Variants in IGSF9 observed in about 807,000 individuals in gnomAD.
IGSF9 encodes immunoglobulin superfamily member 9.
A neutral mutation model predicts 121.7 loss-of-function variants in IGSF9; 87 were observed. That is an observed-to-expected ratio of 0.71 (90% CI 0.60 to 0.85). The LOEUF (loss-of-function observed/expected upper bound fraction) is 0.85, where lower values mean the gene tolerates loss of function less well. IGSF9 is among the 40% of genes least tolerant of loss of function. The pLI, the probability that IGSF9 is intolerant of heterozygous loss-of-function variation, is 0.00. For missense variants in IGSF9, 1,462 were observed against 1,565.3 expected (o/e 0.93, Z 1.11); for synonymous variants, 640 against 648.4 (o/e 0.99, Z 0.20).
At chr1:159,937,494 A>C (rs1432491852) in intron 4 of IGSF9, among the ~76,000 whole-genome samples, 192 bp downstream of exon 4, 1 of 152,020 alleles carries the variant, frequency 6.6e-6, no homozygotes, top group Non-Finnish European at 1.5e-5. Context: ...AAGAACTGAA[A>C]AGGGCAGGAG....
intron 13 of IGSF9, 77 bp from the exon 14 acceptor site, chr1:159,930,944 C>T (rs1650975283): frequency 2.1e-6 from 3 of 1,459,334 alleles, no homozygotes; most frequent in Non-Finnish European, 2.8e-6. Context: ...GATCTAACCA[C>T]CTCCCCTCTG....
rs575352607 is a variant in IGSF9, at chr1:159,927,095, C to CAGAGAGAGAGAGAGAGAG, written c.*249_*250insCTCTCTCTCTCTCTCTCT. 141 of 451,146 alleles carry CAGAGAGAGAGAGAGAGAG rather than the reference C, an allele frequency of 3.1e-4. 1 individual carries two copies. The highest frequency in any genetic ancestry group is 3.0e-3 in the South Asian group (108 of 35,474). The allele number at this position is 451,146 out of a possible 1,614,324, so 27.9% of individuals were successfully genotyped here. Reference sequence around the variant, plus strand: ...AAAACTTCACACACACACACACACACACAGAGAGAGAGAGAGAGAGAGAGA... The same window carrying CAGAGAGAGAGAGAGAGAG: ...AAAACTTCACACACACACACACACACAGAGAGAGAGAGAGAGAGACAGAGAGAGAGAGAGAGAGAGAGA... On this transcript the variant is annotated 3_prime_UTR_variant, in exon 21 of 21. Coordinates refer to ENST00000368094, the MANE Select transcript of IGSF9 (RefSeq NM_001135050.2).
At chr1:159,941,973 G>A (rs1651396126) in intron 3 of IGSF9, among the ~76,000 whole-genome samples, 1 of 152,260 alleles carries the variant, frequency 6.6e-6, no homozygotes, top group Non-Finnish European at 1.5e-5. Flanking sequence ...AGCCCGCCCT[G>A]TGGCAAGGCT....
chr1:159,941,280 AC>A (rs1478224231), intron 3 of IGSF9, among the ~76,000 whole-genome samples: 2 of 152,034 alleles, frequency 1.3e-5, no homozygotes, highest in Non-Finnish European at 2.9e-5. Context: ...GTCCTTAGCA[AC>A]CTCTACCTCC....
In IGSF9 at chr1:159,928,875, C is replaced by G; in HGVS notation, c.2513G>C (p.Gly838Ala). The G allele has an allele frequency of 1.9e-6, 3 of 1,593,050 alleles. No homozygotes were observed. The highest frequency in any genetic ancestry group is 2.6e-6 in the Non-Finnish European group (3 of 1,170,328). The change falls in exon 19 of 21, where the codon GGA becomes GCA. Residue 838 changes from glycine (G) to alanine (A), a missense_variant. Around this residue, in one of 3 missense-constraint regions of IGSF9, gnomAD observed 808 missense variants for 815.2 expected, o/e 0.99. Transcript: ENST00000368094. ...GCAAATGGGCTCCAGAGGTAAGGGT[C>G]CCCGGCTAGATGGAGGATCCGGGTG... Reference protein sequence around the residue: ...SPHPDPPSSRGPLPLEPICRG... With the variant: ...SPHPDPPSSRAPLPLEPICRG...
chr1:159,935,649 C>G (rs1345972749), intron 6 of IGSF9, among the ~76,000 whole-genome samples: 1 of 152,248 alleles, frequency 6.6e-6, no homozygotes, highest in Non-Finnish European at 1.5e-5. Context: ...AGAGCACTGA[C>G]TGCATGCGGG....
intron 19 of IGSF9, 101 bp downstream of exon 19, chr1:159,928,057 G>T (rs1211245821): frequency 4.7e-6 from 7 of 1,497,124 alleles, no homozygotes; most frequent in African/African-American, 4.2e-5. Context: ...CCCGTTCCCA[G>T]GGTGGGAGTG....
rs1444555235 is a variant in IGSF9, at chr1:159,931,378, A to T, written c.1513+75T>A. 6 of 1,597,542 alleles carry T rather than the reference A, an allele frequency of 3.8e-6. No homozygotes were observed. Among genetic ancestry groups the T allele is most frequent in the Middle Eastern group, 1.7e-4 (1 of 6,000 alleles). On this transcript the variant is annotated intron_variant, in intron 12 of 20. Coordinates refer to ENST00000368094, the MANE Select transcript of IGSF9 (RefSeq NM_001135050.2). The surrounding 1 kb of genome is among the most constrained non-coding windows in gnomAD (Gnocchi z 4.8). ...TCATCCCAGGGGTCCCACACCCATG[A>T]TCCTCTTTCTGGGCCTCCAAAAACG...
In IGSF9 at chr1:159,929,954, G is replaced by A; in HGVS notation, c.2086C>T (p.Leu696Phe). Residue 696 changes from leucine (L) to phenylalanine (F), a missense_variant, in exon 16 of 21, where the codon CTC (leucine) becomes TTC (phenylalanine). Leu to Phe is a conservative substitution (Grantham distance 22). Transcript: ENST00000368094. ...ACGAAGCTGCCCGCGAAGGCCACGA[G>A]GCGGAACTCGTAGAGAACATCCTGC... ...LIKDVLYEFR[L>F]VAFAGSFVSD... is the part of the protein sequence containing the mutation. 1 of 1,585,740 alleles carries A rather than the reference G, an allele frequency of 6.3e-7. No individual in the cohort carries two copies. Among genetic ancestry groups the A allele is most frequent in the South Asian group, 1.1e-5 (1 of 88,304 alleles).
chr1:159,937,603 C>T, intron 4 of IGSF9, 83 bp downstream of exon 4: 1 of 1,484,620 alleles, frequency 6.7e-7, no homozygotes, highest in Non-Finnish European at 9.3e-7. Context: ...ATAGAACTCC[C>T]TCTTCCCCTT....
chr1:159,943,537 C>A lies in IGSF9; in HGVS notation c.-83G>T. ...CCAAGGGATGTCCTTCTGATCAGCT[C>A]AGGGAACAGGTTTCAGCTCTCACTC... On this transcript the variant is annotated 5_prime_UTR_variant, in exon 2 of 21. Coordinates refer to ENST00000368094, the MANE Select transcript of IGSF9 (RefSeq NM_001135050.2). 1 of 1,328,446 alleles carries A rather than the reference C, an allele frequency of 7.5e-7. No individual in the cohort carries two copies. Among genetic ancestry groups the A allele is most frequent in the South Asian group, 1.6e-5 (1 of 62,998 alleles). The allele number at this position is 1,328,446 out of a possible 1,614,324, so 82.3% of individuals were successfully genotyped here.
Position 159,932,899 on chromosome 1 carries a change from G to C in IGSF9, c.1105-247C>G. On this transcript the variant is annotated intron_variant, in intron 9 of 20. Coordinates refer to ENST00000368094, the MANE Select transcript of IGSF9 (RefSeq NM_001135050.2). The surrounding 1 kb of genome is among the most constrained non-coding windows in gnomAD (Gnocchi z 4.1). ...GGGTGCCACTCACAGAAAATACACT[G>C]TGAATGGCCACCCCTGTAGTTGGGC... is the stretch of plus-strand genomic sequence containing the variant. 1 of 439,240 alleles carries C rather than the reference G, an allele frequency of 2.3e-6. No individual in the cohort carries two copies. Among genetic ancestry groups the C allele is most frequent in the Non-Finnish European group, 4.0e-6 (1 of 248,364 alleles). 27.2% of individuals were successfully genotyped at this position (439,240 alleles called of 1,614,324 possible). A position where few individuals can be genotyped will look rare whatever the true frequency, so the allele number is the denominator to read the frequency against.
chr1:159,932,585 C>T lies in IGSF9; in HGVS notation c.1172G>A (p.Gly391Glu). The change falls in exon 10 of 21, where the codon GGA (glycine) becomes GAA (glutamate). Residue 391 changes from glycine (G) to glutamate (E), a missense_variant. Coordinates refer to ENST00000368094, the MANE Select transcript of IGSF9 (RefSeq NM_001135050.2). The surrounding 1 kb of genome is among the most constrained non-coding windows in gnomAD (Gnocchi z 4.1). ...GTTGTAGGGGGTGCAGGAGTATTCT[C>T]CCAGGGCATCCTCGTTCCCCAGGGC... The part of the protein sequence containing the change: ...IIALGNEDAL[G>E]EYSCTPYNSL... The T allele has an allele frequency of 1.2e-6, 2 of 1,613,988 alleles. No individual in the cohort carries two copies. The highest frequency in any genetic ancestry group is 2.2e-5 in the East Asian group (1 of 44,864).
chr1:159,937,853 C>T lies in IGSF9; in HGVS notation c.248-15G>A. 1.2e-6 allele frequency: 2 copies of T among 1,611,126 alleles called. No homozygotes were observed. The highest frequency in any genetic ancestry group is 1.7e-6 in the Non-Finnish European group (2 of 1,178,640). Reference sequence around the variant, plus strand: ...CCGGACTCGTCCTGGGGGAGGAGCCCTGAATCAAGGGTGCTGAAGGAACCC... The same window carrying T: ...CCGGACTCGTCCTGGGGGAGGAGCCTTGAATCAAGGGTGCTGAAGGAACCC... On this transcript the variant is annotated splice_polypyrimidine_tract_variant and intron_variant, in intron 3 of 20. Transcript: ENST00000368094.
At chr1:159,944,600 G>A (rs1000880411) in intron 1 of IGSF9, among the ~76,000 whole-genome samples, 3 of 152,154 alleles carry the variant, frequency 2.0e-5, no homozygotes, top group Non-Finnish European at 2.9e-5. Context: ...TCCCTGAAGT[G>A]TACAAAATTA....
chr1:159,928,307 C>A lies in IGSF9; in HGVS notation c.3081G>T (p.Gly1027=). ...GCCGCAGGAACGAAGCGCTGCCTCG[C>A]CCACTGCTCTGGCTGGTGAGGCTGC... ...PRGSLTSQSS[G]RGSASFLRPP... The change falls in exon 19 of 21, where the codon GGG becomes GGT. Residue 1027 remains glycine, a synonymous_variant. Transcript: ENST00000368094. 1 of 1,611,768 alleles carries A rather than the reference C, an allele frequency of 6.2e-7. No individual in the cohort carries two copies.
chr1:159,934,522 C>T lies in IGSF9; in HGVS notation c.864G>A (p.Leu288=). ...CGGCATCATCAGGCTGGGTGGCCAG[C>T]AGCCGCAGGCTCCCGTCCACCAGGA... is the stretch of plus-strand genomic sequence containing the variant. ...VRILVDGSLR[L]LATQPDDAGC... The change falls in exon 8 of 21, where the codon CTG becomes CTA. Residue 288 remains leucine, a synonymous_variant. Coordinates refer to ENST00000368094, the MANE Select transcript of IGSF9 (RefSeq NM_001135050.2). 6.2e-7 allele frequency: 1 copy of T among 1,613,464 alleles called. No individual in the cohort carries two copies. The highest frequency in any genetic ancestry group is 8.5e-7 in the Non-Finnish European group (1 of 1,179,690).
chr1:159,936,015 A>C (rs1047203139), intron 6 of IGSF9, among the ~76,000 whole-genome samples: 1 of 152,164 alleles, frequency 6.6e-6, no homozygotes, highest in Non-Finnish European at 1.5e-5. Context: ...CTTGGCCAGG[A>C]ATTACCATGT....
At chr1:159,938,561 G>A (rs995802002) in intron 3 of IGSF9, among the ~76,000 whole-genome samples, 11 of 152,176 alleles carry the variant, frequency 7.2e-5, no homozygotes, top group African/African-American at 2.2e-4. Flanking sequence ...CTCAGACCGA[G>A]GGTGCCTACC....
Sources: gnomAD v4.1 joint callset for allele counts (sites outside exome capture counted in the v4.1 genomes callset) on GRCh38, gnomAD v4.1.1 for gene constraint, gnomAD v4.1.1 regional missense constraint, Gnocchi (gnomAD v3.1) non-coding constraint, MANE v1.5 for transcripts, NCBI Gene and HGNC (gene_info 2026-07-23, HGNC 2026-07-21) for gene names.